Variants in CERS3 observed in about 807,000 individuals in gnomAD.
CERS3 encodes LAG1 homolog, ceramide synthase 3.
Under a neutral mutation model 50.3 loss-of-function variants are expected in CERS3, and 33 were observed. That is an observed-to-expected ratio of 0.66 (90% CI 0.50 to 0.88). CERS3 has a LOEUF of 0.88. Among genes scored for constraint, CERS3 ranks in the 40% least tolerant of loss-of-function variants. The pLI is 0.00. For synonymous variants in CERS3, 176 were observed against 155.2 expected (o/e 1.13, Z -0.99); for missense variants, 470 against 460.3 (o/e 1.02, Z -0.19).
At chr15:100,523,254 C>T (rs1370538134) in intron 1 of CERS3, among the ~76,000 whole-genome samples, 1 of 152,204 alleles carries the variant, frequency 6.6e-6, no homozygotes, top group African/African-American at 2.4e-5. Flanking sequence ...ATGTTATATG[C>T]ATGACTCCTT....
At chr15:100,457,962 AT>A (rs2034430320) in intron 10 of CERS3, among the ~76,000 whole-genome samples, 1 of 152,218 alleles carries the variant, frequency 6.6e-6, no homozygotes, top group Non-Finnish European at 1.5e-5. Context: ...ATAAACTGAA[AT>A]TATTTCTATG....
chr15:100,535,265 T>A (rs1167635611), intron 1 of CERS3, among the ~76,000 whole-genome samples: 1 of 152,234 alleles, frequency 6.6e-6, no homozygotes, highest in Non-Finnish European at 1.5e-5. Flanking sequence ...TTTCTCCACT[T>A]AAATTTTGAG....
chr15:100,541,310 A>G (rs2037196921), intron 1 of CERS3, among the ~76,000 whole-genome samples: 1 of 152,198 alleles, frequency 6.6e-6, no homozygotes, highest in African/African-American at 2.4e-5. Context: ...TGTCTCTACT[A>G]AAGATACAAA....
intron 2 of CERS3, among the ~76,000 whole-genome samples, chr15:100,508,162 C>G (rs926101887): frequency 1.5e-4 from 7 of 46,224 alleles, no homozygotes; most frequent in African/African-American, 4.6e-4. Context: ...CAGCCTGCAG[C>G]ATTTGTCAGT....
intron 10 of CERS3, among the ~76,000 whole-genome samples, chr15:100,461,194 G>A (rs997987705): frequency 1.2e-4 from 18 of 152,264 alleles, no homozygotes; most frequent in African/African-American, 4.3e-4. Context: ...TAATTTCTTG[G>A]CTCGAAACCT....
rs1423813479 is a variant in CERS3 at position 100,400,852 on chromosome 15, C to A, written c.*1861G>T. On this transcript the variant is annotated 3_prime_UTR_variant, in exon 12 of 12. Coordinates refer to ENST00000679737, the MANE Select transcript of CERS3 (RefSeq NM_001378789.1). ...ATTAATAATAAGTCAATAGCTATAC[C>A]CTAAAGTGGGTGCAGGCATTTTGAT... 3 of 151,310 alleles carry A rather than the reference C, an allele frequency of 2.0e-5. No individual in the cohort carries two copies. Among genetic ancestry groups the A allele is most frequent in the Non-Finnish European group, 4.4e-5 (3 of 67,840 alleles). 9.4% of individuals were successfully genotyped at this position (151,310 alleles called of 1,614,324 possible).
At chr15:100,519,448 C>T (rs1335594952) in intron 2 of CERS3, among the ~76,000 whole-genome samples, 3 of 151,968 alleles carry the variant, frequency 2.0e-5, no homozygotes, top group East Asian at 1.9e-4. Context: ...AAAAAGTGAA[C>T]GGAAGGGTCA....
chr15:100,405,615 A>T (rs1405205417), intron 11 of CERS3, among the ~76,000 whole-genome samples: 2 of 152,216 alleles, frequency 1.3e-5, no homozygotes, highest in Non-Finnish European at 2.9e-5. Flanking sequence ...ACAACACATG[A>T]ATATCATTTT....
At chr15:100,452,465 C>A (rs2034207892) in intron 11 of CERS3, among the ~76,000 whole-genome samples, 3 of 151,910 alleles carry the variant, frequency 2.0e-5, no homozygotes, top group African/African-American at 4.8e-5. Context: ...AAGTGAAAAT[C>A]AAAACACAAC....
intron 11 of CERS3, among the ~76,000 whole-genome samples, chr15:100,425,133 G>A (rs1202605197): frequency 1.3e-5 from 2 of 152,228 alleles, no homozygotes; most frequent in Non-Finnish European, 2.9e-5. Context: ...TGCCGAAGGG[G>A]TGGAGCACTC....
intron 11 of CERS3, among the ~76,000 whole-genome samples, chr15:100,428,683 G>C (rs1834166677): frequency 6.6e-6 from 1 of 152,240 alleles, no homozygotes; most frequent in Non-Finnish European, 1.5e-5. Flanking sequence ...CCCTGTGCAA[G>C]ACATTGGAGA....
chr15:100,472,226 T>C (rs2034991374), intron 9 of CERS3, among the ~76,000 whole-genome samples: 1 of 152,212 alleles, frequency 6.6e-6, no homozygotes, highest in Non-Finnish European at 1.5e-5. Context: ...TTCTGGGAAC[T>C]GTTGCTCTAA....
chr15:100,436,999 A>G (rs1253147545), intron 11 of CERS3, among the ~76,000 whole-genome samples: 2 of 144,848 alleles, frequency 1.4e-5, no homozygotes, highest in African/African-American at 5.2e-5. Flanking sequence ...GTTGGAGTGC[A>G]GTGGTGCAAT....
chr15:100,493,540 T>C (rs553312689), intron 3 of CERS3, among the ~76,000 whole-genome samples: 51 of 152,346 alleles, frequency 3.3e-4, no homozygotes, highest in African/African-American at 1.1e-3. Flanking sequence ...TGTATCATAC[T>C]GGGAGTTTGT....
chr15:100,496,404 G>C (rs527707835), intron 3 of CERS3, among the ~76,000 whole-genome samples: 58 of 152,216 alleles, frequency 3.8e-4, no homozygotes, highest in African/African-American at 1.3e-3. Flanking sequence ...AAAGCATTAA[G>C]CTTAATGAAA....
At chr15:100,460,469 C>T (rs1168358255) in intron 10 of CERS3, among the ~76,000 whole-genome samples, 1 of 152,134 alleles carries the variant, frequency 6.6e-6, no homozygotes, top group Non-Finnish European at 1.5e-5. Context: ...CATGTAAAAA[C>T]CTACTTGCCA....
At chr15:100,466,780 CCTTCCTT>C (rs2034739106) in intron 10 of CERS3, among the ~76,000 whole-genome samples, 2 of 22,884 alleles carry the variant, frequency 8.7e-5, no homozygotes, top group Admixed American at 9.1e-4. Flanking sequence ...TTCCTTCCTT[CCTTCCTT>C]CCTTCCTCCC....
At chr15:100,445,293 G>A (rs12903885) in intron 11 of CERS3, among the ~76,000 whole-genome samples, 74,871 of 116,724 alleles carry the variant, frequency 0.64, 24,386 homozygotes, top group Admixed American at 0.73. Context: ...CTACTCATAC[G>A]TGCCCTGCTC....
At chr15:100,449,348 G>A (rs150318630) in intron 11 of CERS3, among the ~76,000 whole-genome samples, 116 of 152,300 alleles carry the variant, frequency 7.6e-4, no homozygotes, top group African/African-American at 2.6e-3. Flanking sequence ...GACTGCTACC[G>A]CCATTGCCCA....
Sources: gnomAD v4.1 joint callset for allele counts (sites outside exome capture counted in the v4.1 genomes callset) on GRCh38, gnomAD v4.1.1 for gene constraint, MANE v1.5 for transcripts, NCBI Gene and HGNC (gene_info 2026-07-23, HGNC 2026-07-21) for gene names.